The following REPS1 variants were observed in gnomAD, a reference collection of about 807,000 sequenced individuals.
REPS1 encodes the protein ralBP1-associated Eps domain-containing protein 1.
A neutral mutation model predicts 100.9 loss-of-function variants in REPS1; 39 were observed. The ratio of observed to expected loss-of-function variants is 0.39; its 90% CI spans 0.30 to 0.50. REPS1 has a LOEUF of 0.50. Among genes scored for constraint, REPS1 ranks in the 20% least tolerant of loss-of-function variants. REPS1 has a pLI of 0.86. For synonymous variants in REPS1, 324 were observed against 340.3 expected (o/e 0.95, Z 0.53); for missense variants, 821 against 968.5 (o/e 0.85, Z 2.02).
intron 11 of REPS1, 76 bp downstream of exon 11, chr6:138,920,961 T>G: frequency 9.4e-7 from 1 of 1,061,134 alleles, no homozygotes; most frequent in South Asian, 1.4e-5. Context: ...ATGAAAGAAA[T>G]TTGAACCTTG....
At chr6:138,935,928 G>C (rs1416893338) in intron 8 of REPS1, among the ~76,000 whole-genome samples, 1 of 150,208 alleles carries the variant, frequency 6.7e-6, no homozygotes, top group Non-Finnish European at 1.5e-5. Context: ...GTATAATTTG[G>C]TGGCAAAATT....
chr6:138,911,449 A>C (rs935410508), intron 16 of REPS1, 78 bp from the exon 17 acceptor site: 2 of 939,076 alleles, frequency 2.1e-6, no homozygotes, highest in Admixed American at 2.0e-5. Flanking sequence ...GTACCAAATC[A>C]GAATAAAATG....
chr6:138,926,102 A>G (rs978688113), intron 10 of REPS1, among the ~76,000 whole-genome samples: 2 of 152,240 alleles, frequency 1.3e-5, no homozygotes, highest in African/African-American at 4.8e-5. Context: ...CAGTATGTAT[A>G]TAAAATATAC....
chr6:138,914,834 G>C (rs1780246805), intron 14 of REPS1, 73 bp from the exon 15 acceptor site: 12 of 1,196,696 alleles, frequency 1.0e-5, no homozygotes, highest in African/African-American at 1.5e-5. Context: ...TAGGCTGAAT[G>C]AATGTGACTA....
At chr6:138,987,012 G>C (rs9495294) in intron 1 of REPS1, among the ~76,000 whole-genome samples, 96,908 of 152,046 alleles carry the variant, frequency 0.64, 32,750 homozygotes, top group East Asian at 0.87. Context: ...AAACTACTAA[G>C]TAGTTCACAT....
chr6:138,911,793 G>A (rs1260363546), intron 16 of REPS1, among the ~76,000 whole-genome samples: 2 of 151,566 alleles, frequency 1.3e-5, no homozygotes, highest in East Asian at 3.9e-4. Context: ...AGATGTGTGA[G>A]GGAGAGGAGG....
chr6:138,909,348 A>T (rs1779860564), intron 17 of REPS1, among the ~76,000 whole-genome samples: 1 of 152,244 alleles, frequency 6.6e-6, no homozygotes, highest in Admixed American at 6.5e-5. Context: ...TGCCCTTGGC[A>T]GAATAAAAAA....
Position 138,945,582 on chromosome 6 carries a change from G to A in REPS1, c.393C>T (p.Pro131=), listed in dbSNP as rs368324679. 6.0e-5 allele frequency: 97 copies of A among 1,613,550 alleles called. No individual in the cohort carries two copies. The highest frequency in any genetic ancestry group is 7.9e-5 in the Non-Finnish European group (93 of 1,179,874). ...TCACTTGCCCCCTGCCAGGTGGTGGGGGAATTACACCAGAATACGACCCTT... is the reference window on the plus strand; with the variant it reads ...TCACTTGCCCCCTGCCAGGTGGTGGAGGAATTACACCAGAATACGACCCTT... The part of the protein sequence containing the change: ...ENQGSYSGVI[P]PPPGRGQVKK... The change falls in exon 3 of 20, where the codon CCC becomes CCT. Residue 131 remains proline, a synonymous_variant. Transcript: ENST00000450536.
chr6:138,935,818 C>T (rs1188889), intron 8 of REPS1, among the ~76,000 whole-genome samples: 48,847 of 130,140 alleles, frequency 0.38, 10,642 homozygotes, highest in Admixed American at 0.53. Flanking sequence ...CACACCGCAG[C>T]ACTCCAGCCT....
chr6:138,970,427 T>A, intron 1 of REPS1, among the ~76,000 whole-genome samples: 1 of 140,566 alleles, frequency 7.1e-6, no homozygotes, highest in Non-Finnish European at 1.5e-5. Context: ...GATTTGGTGA[T>A]CAGGATAACA....
intron 1 of REPS1, among the ~76,000 whole-genome samples, chr6:138,953,120 A>G (rs1783149695): frequency 6.6e-6 from 1 of 152,128 alleles, no homozygotes; most frequent in Non-Finnish European, 1.5e-5. Flanking sequence ...TACAGGTGTG[A>G]GCCATTGCGC....
Position 138,979,957 on chromosome 6 carries a change from T to C in REPS1, c.153+7573A>G, listed in dbSNP as rs189092251. On this transcript the variant is annotated intron_variant, in intron 1 of 19. Coordinates refer to ENST00000450536, the MANE Select transcript of REPS1 (RefSeq NM_001286611.2). ...GTATAGATCTCTCTAACAGGCCTAC[T>C]TGACAATCTTACAGGCTTCTGAGAA... Among the ~76,000 whole-genome samples, 744 of 152,290 alleles carry C rather than the reference T, an allele frequency of 4.9e-3. 2 individuals are homozygous for C. The highest frequency in any genetic ancestry group is 7.6e-3 in the Non-Finnish European group (514 of 68,022).
At position 138,935,859 on chromosome 6, in the gene REPS1, G is replaced by A. The variant is rs1211782568; in HGVS notation, c.1135+5476C>T. ...ACAGAGCAAGACTCCATCTTGGCGG[G>A]GGGGGGGGGCGCGGGGGAGTGGTGG... is the stretch of plus-strand genomic sequence containing the variant. On this transcript the variant is annotated intron_variant, in intron 8 of 19. Transcript: ENST00000450536. Among the ~76,000 whole-genome samples the A allele has an allele frequency of 1.5e-3, 172 of 113,774 alleles. 15 individuals carry two copies. The highest frequency in any genetic ancestry group is 5.8e-3 in the African/African-American group (162 of 27,956). 74.6% of individuals were successfully genotyped at this position (113,774 alleles called of 152,430 possible).
intron 10 of REPS1, among the ~76,000 whole-genome samples, chr6:138,922,921 G>A (rs1248719789): frequency 6.6e-6 from 1 of 152,104 alleles, no homozygotes; most frequent in Non-Finnish European, 1.5e-5. Flanking sequence ...ATATCTCCTT[G>A]CCTTATGTTT....
intron 8 of REPS1, among the ~76,000 whole-genome samples, chr6:138,938,645 C>A (rs576352690): frequency 1.3e-5 from 2 of 151,734 alleles, no homozygotes; most frequent in African/African-American, 4.8e-5. Context: ...GGAAAAAAAA[C>A]AAAACAGGAT....
intron 1 of REPS1, among the ~76,000 whole-genome samples, chr6:138,962,840 G>A (rs1257369388): frequency 6.6e-6 from 1 of 152,118 alleles, no homozygotes; most frequent in African/African-American, 2.4e-5. Flanking sequence ...GACGCACAGT[G>A]TCAATATATA....
chr6:138,971,005 A>T (rs1268154516), intron 1 of REPS1, among the ~76,000 whole-genome samples: 2 of 152,240 alleles, frequency 1.3e-5, no homozygotes, highest in African/African-American at 4.8e-5. Flanking sequence ...ACAATTAGTA[A>T]CTATGACAAT....
intron 1 of REPS1, among the ~76,000 whole-genome samples, chr6:138,961,659 T>TA (rs1354614665): frequency 6.6e-6 from 1 of 152,156 alleles, no homozygotes; most frequent in Non-Finnish European, 1.5e-5. Flanking sequence ...GTCAGCGCAG[T>TA]AAAAAAGGTA....
At chr6:138,966,933 C>A (rs1346352672) in intron 1 of REPS1, among the ~76,000 whole-genome samples, 2 of 152,254 alleles carry the variant, frequency 1.3e-5, no homozygotes, top group Admixed American at 1.3e-4. Flanking sequence ...ACGCTTTAAA[C>A]CACAGGCTAT....
Sources: gnomAD v4.1 joint callset for allele counts (sites outside exome capture counted in the v4.1 genomes callset) on GRCh38, gnomAD v4.1.1 for gene constraint, MANE v1.5 for transcripts, NCBI Gene and HGNC (gene_info 2026-07-23, HGNC 2026-07-21) for gene names.